PELI2: variants seen among roughly 807,000 people sequenced by gnomAD.
The protein encoded by PELI2 is E3 ubiquitin-protein ligase pellino homolog 2.
PELI2 carries 23 observed loss-of-function variants against 42.3 expected under a neutral mutation model. That is an observed-to-expected ratio of 0.54 (90% confidence interval 0.39 to 0.77). The LOEUF (loss-of-function observed/expected upper bound fraction) is 0.77. Among genes scored for constraint, PELI2 ranks in the 30% least tolerant of loss-of-function variants. The probability of loss-of-function intolerance (pLI) is 0.00; values close to 1 mark genes in which losing one functional copy is unlikely to be tolerated. For missense variants in PELI2, 463 were observed against 553.2 expected (o/e 0.84, Z 1.64); for synonymous variants, 245 against 212.2 (o/e 1.15, Z -1.34).
intron 2 of PELI2, among the ~76,000 whole-genome samples, chr14:56,188,208 A>G (rs770112186): frequency 6.6e-6 from 1 of 152,164 alleles, no homozygotes; most frequent in Admixed American, 6.5e-5. Context: ...GAAGGCAGAT[A>G]CTATCTTTCA....
At chr14:56,166,861 C>T (rs1884981832) in intron 1 of PELI2, among the ~76,000 whole-genome samples, 1 of 152,158 alleles carries the variant, frequency 6.6e-6, no homozygotes, top group African/African-American at 2.4e-5. Context: ...GATCTCAGCG[C>T]ACTGCAAGCT....
In PELI2 at chr14:56,208,734, C is replaced by T. The variant is rs562898140; in HGVS notation, c.207+30270C>T. 2.0e-5 allele frequency among the ~76,000 whole-genome samples: 3 copies of T among 152,348 alleles called. No individual in the cohort carries two copies. The East Asian group carries it at 5.8e-4, about 29-fold the overall frequency. On this transcript the variant is annotated intron_variant, in intron 2 of 5. Coordinates refer to ENST00000267460, the MANE Select transcript of PELI2 (RefSeq NM_021255.3). Reference sequence around the variant, plus strand: ...AAGTACATAGATAGAACTTTTGTCACATACCAAAGCATGATGGTTATCTCT... The same window carrying T: ...AAGTACATAGATAGAACTTTTGTCATATACCAAAGCATGATGGTTATCTCT...
Position 56,297,462 on chromosome 14 carries a change from G to GTT in PELI2, c.*308_*309dup, listed in dbSNP as rs55742644. Reference sequence around the variant, plus strand: ...TTTTTAACCTTGGGTTTTTAACCAAGTTTTTTTTTTTTTGTAATCTTGGAC... The same window carrying GTT: ...TTTTTAACCTTGGGTTTTTAACCAAGTTTTTTTTTTTTTTTGTAATCTTGGAC... On this transcript the variant is annotated 3_prime_UTR_variant, in exon 6 of 6. Coordinates refer to ENST00000267460, the MANE Select transcript of PELI2 (RefSeq NM_021255.3). 9,373 of 223,834 alleles carry GTT rather than the reference G, an allele frequency of 0.042. No homozygotes were observed. The highest frequency in any genetic ancestry group is 0.075 in the South Asian group (717 of 9,572). 13.9% of individuals were successfully genotyped at this position (223,834 alleles called of 1,614,324 possible).
chr14:56,246,453 C>G (rs1888162294), intron 2 of PELI2, among the ~76,000 whole-genome samples: 1 of 152,326 alleles, frequency 6.6e-6, no homozygotes, highest in African/African-American at 2.4e-5. Flanking sequence ...GCAAGTTGCA[C>G]TAATTCTTTC....
At chr14:56,170,841 G>T (rs1253986268) in intron 1 of PELI2, among the ~76,000 whole-genome samples, 1 of 152,148 alleles carries the variant, frequency 6.6e-6, no homozygotes, top group African/African-American at 2.4e-5. Context: ...CATATATGAA[G>T]AGTTAAATTT....
At chr14:56,128,585 T>G (rs1056307993) in intron 1 of PELI2, among the ~76,000 whole-genome samples, 1 of 152,054 alleles carries the variant, frequency 6.6e-6, no homozygotes, top group African/African-American at 2.4e-5. Context: ...AGCAGAGCCT[T>G]GAGAGGTGAC....
At chr14:56,118,809 CG>C in intron 1 of PELI2, 72 bp downstream of exon 1, 2 of 1,054,146 alleles carry the variant, frequency 1.9e-6, no homozygotes, top group Non-Finnish European at 2.7e-6. Context: ...GCGGGGCTGG[CG>C]GGGTGGCTCG....
chr14:56,138,310 G>A (rs917857079), intron 1 of PELI2, among the ~76,000 whole-genome samples: 4 of 152,214 alleles, frequency 2.6e-5, no homozygotes, highest in Non-Finnish European at 5.9e-5. Flanking sequence ...AACAGATAGT[G>A]CATTTCTACA....
At chr14:56,193,879 G>A (rs924154857) in intron 2 of PELI2, among the ~76,000 whole-genome samples, 3 of 152,176 alleles carry the variant, frequency 2.0e-5, no homozygotes, top group Non-Finnish European at 4.4e-5. Flanking sequence ...TTCCTAGAAT[G>A]TTAGGAAGAT....
chr14:56,189,931 T>C lies in PELI2; in HGVS notation c.207+11467T>C, dbSNP rs567676154. 4.9e-4 allele frequency among the ~76,000 whole-genome samples: 74 copies of C among 152,358 alleles called. 1 individual carries two copies. The highest frequency in any genetic ancestry group is 1.2e-3 in the African/African-American group (51 of 41,578). ...GCCAGTGCCTTTCGTCACAGGAGAA[T>C]GTACTTACCAATTACAACATTTTGA... On this transcript the variant is annotated intron_variant, in intron 2 of 5. Coordinates refer to ENST00000267460, the MANE Select transcript of PELI2 (RefSeq NM_021255.3).
At chr14:56,207,092 A>G (rs535724324) in intron 2 of PELI2, among the ~76,000 whole-genome samples, 211 of 152,340 alleles carry the variant, frequency 1.4e-3, no homozygotes, top group Non-Finnish European at 2.3e-3. Flanking sequence ...CAGAGTGAAC[A>G]TACGACTTTA....
At chr14:56,199,053 A>G (rs1435756817) in intron 2 of PELI2, among the ~76,000 whole-genome samples, 1 of 152,074 alleles carries the variant, frequency 6.6e-6, no homozygotes, top group African/African-American at 2.4e-5. Context: ...GACTTCACTT[A>G]CTTTTTCTAC....
At chr14:56,230,058 T>G (rs1411021119) in intron 2 of PELI2, among the ~76,000 whole-genome samples, 2 of 151,740 alleles carry the variant, frequency 1.3e-5, no homozygotes, top group Non-Finnish European at 2.9e-5. Context: ...GAAAAAAGAG[T>G]AAAAAGAAAC....
chr14:56,249,424 G>A (rs985350648), intron 2 of PELI2, among the ~76,000 whole-genome samples: 13 of 152,016 alleles, frequency 8.6e-5, no homozygotes, highest in Non-Finnish European at 1.6e-4. Flanking sequence ...CCCAGATAAC[G>A]TTTTCCCTCC....
intron 2 of PELI2, among the ~76,000 whole-genome samples, chr14:56,248,356 T>C (rs1452014902): frequency 6.6e-6 from 1 of 152,034 alleles, no homozygotes; most frequent in Non-Finnish European, 1.5e-5. Flanking sequence ...AGTGAGAGAA[T>C]ACAGATCATT....
rs1175216161 is a variant in PELI2 at position 56,139,017 on chromosome 14, G to C, written c.77+20280G>C. Among the ~76,000 whole-genome samples, 13 of 152,226 alleles carry C rather than the reference G, an allele frequency of 8.5e-5. 1 individual carries two copies. The highest frequency in any genetic ancestry group is 4.6e-4 in the Admixed American group (7 of 15,282). ...TGATTCAAGCTGTTCCAGCCTGACA[G>C]GGTACTGGAGGGATTTTCAGAATTG... On this transcript the variant is annotated intron_variant, in intron 1 of 5. Coordinates refer to ENST00000267460, the MANE Select transcript of PELI2 (RefSeq NM_021255.3).
At chr14:56,271,786 C>T (rs1349283824) in intron 2 of PELI2, among the ~76,000 whole-genome samples, 2 of 152,284 alleles carry the variant, frequency 1.3e-5, no homozygotes, top group East Asian at 1.9e-4. Flanking sequence ...AGCCCTGCTC[C>T]CATCGGGCAG....
intron 2 of PELI2, among the ~76,000 whole-genome samples, chr14:56,234,917 A>G (rs540828534): frequency 1.3e-5 from 2 of 152,220 alleles, no homozygotes; most frequent in East Asian, 3.9e-4. Context: ...GCAGGGGCTT[A>G]AATTGCCCAA....
intron 2 of PELI2, among the ~76,000 whole-genome samples, chr14:56,181,567 C>G (rs1885580251): frequency 6.6e-6 from 1 of 152,036 alleles, no homozygotes; most frequent in Non-Finnish European, 1.5e-5. Context: ...GATTTAAGCT[C>G]TTTGCCTTTT....
Sources: gnomAD v4.1 joint callset for allele counts (sites outside exome capture counted in the v4.1 genomes callset) on GRCh38, gnomAD v4.1.1 for gene constraint, MANE v1.5 for transcripts, NCBI Gene and HGNC (gene_info 2026-07-23, HGNC 2026-07-21) for gene names.